Variants in RAP2B observed in about 807,000 individuals in gnomAD.
The protein encoded by RAP2B is ras-related protein Rap-2b.
RAP2B carries 6 observed loss-of-function variants against 14.4 expected under a neutral mutation model. The ratio of observed to expected loss-of-function variants is 0.42; its 90% confidence interval spans 0.23 to 0.82. The LOEUF is 0.82. Among genes scored for constraint, RAP2B ranks in the 40% least tolerant of loss-of-function variants. The pLI, the probability that RAP2B is intolerant of heterozygous loss-of-function variation, is 0.30. For synonymous variants in RAP2B, 118 were observed against 113.2 expected (o/e 1.04, Z -0.27); for missense variants, 137 against 248.2 (o/e 0.55, Z 3.01).
rs763449568 is a variant in RAP2B, at chr3:153,166,666, T to G, written c.*3421T>G. ...ATCTTAGGTCTAACACTCTAGTCTT[T>G]GAGAGTTACGGTTCTTTCGTAGAAC... is the stretch of plus-strand genomic sequence containing the variant. On this transcript the variant is annotated 3_prime_UTR_variant, in exon 1 of 1. Coordinates refer to ENST00000323534, the MANE Select transcript of RAP2B (RefSeq NM_002886.4). 7 of 167,058 alleles carry G rather than the reference T, an allele frequency of 4.2e-5. No individual in the cohort carries two copies. Among genetic ancestry groups the G allele is most frequent in the Non-Finnish European group, 8.8e-5 (6 of 68,108 alleles). The allele number at this position is 167,058 out of a possible 1,614,324, so 10.3% of individuals were successfully genotyped here.
In RAP2B at chr3:153,166,009, A is replaced by G. The variant is rs1032710631; in HGVS notation, c.*2764A>G. 9.6e-5 allele frequency: 16 copies of G among 167,146 alleles called. No individual in the cohort carries two copies. The highest frequency in any genetic ancestry group is 3.8e-4 in the African/African-American group (16 of 41,576). The allele number at this position is 167,146 out of a possible 1,614,324, so 10.4% of individuals were successfully genotyped here. On this transcript the variant is annotated 3_prime_UTR_variant, in exon 1 of 1. Coordinates refer to ENST00000323534, the MANE Select transcript of RAP2B (RefSeq NM_002886.4). ...TGCCAAGTATCTAAGAAATGTATAT[A>G]CTGACAGAAGATATTTGAAAGTGGA...
Position 153,164,136 on chromosome 3 carries a change from T to TGTATGTGTGTG in RAP2B, c.*894_*904dup, listed in dbSNP as rs1195540990. 6.8e-6 allele frequency: 1 copy of TGTATGTGTGTG among 147,034 alleles called. No homozygotes were observed. Among genetic ancestry groups the TGTATGTGTGTG allele is most frequent in the Admixed American group, 6.9e-5 (1 of 14,398 alleles). 9.1% of individuals were successfully genotyped at this position (147,034 alleles called of 1,614,324 possible). A position where few individuals can be genotyped will look rare whatever the true frequency, so the allele number is the denominator to read the frequency against. On this transcript the variant is annotated 3_prime_UTR_variant, in exon 1 of 1. Transcript: ENST00000323534. ...TTTCGTGTGTACTATGGTGTGTGTGTGTATGTGTGTGGTGTGTGTGTGTTT... is the reference window on the plus strand; with the variant it reads ...TTTCGTGTGTACTATGGTGTGTGTGTGTATGTGTGTGGTATGTGTGTGGTGTGTGTGTGTTT...
In RAP2B at chr3:153,163,501, GATGCAT is replaced by G. The variant is rs1713476203; in HGVS notation, c.*259_*264del. ...TGTACGTTTCTCCCTGATTTTGGTT[GATGCAT>G]ATTTCCCCGTTTAAGTAGCCGTTAG... On this transcript the variant is annotated 3_prime_UTR_variant, in exon 1 of 1. Transcript: ENST00000323534. 4.0e-6 allele frequency: 2 copies of G among 500,306 alleles called. No individual in the cohort carries two copies. The highest frequency in any genetic ancestry group is 7.9e-5 in the Admixed American group (2 of 25,366). 31.0% of individuals were successfully genotyped at this position (500,306 alleles called of 1,614,324 possible). A position where few individuals can be genotyped will look rare whatever the true frequency, so the allele number is the denominator to read the frequency against.
rs560941646 is a variant in RAP2B at position 153,170,330 on chromosome 3, G to A, written c.*7085G>A. 6.6e-6 allele frequency: 1 copy of A among 152,208 alleles called. No individual in the cohort carries two copies. The highest frequency in any genetic ancestry group is 1.5e-5 in the Non-Finnish European group (1 of 68,038). 9.4% of individuals were successfully genotyped at this position (152,208 alleles called of 1,614,324 possible). ...GGTAAACAGCTGAAATTGATTCATT[G>A]ATTATTCAACACTTATTGAGCACAT... On this transcript the variant is annotated 3_prime_UTR_variant, in exon 1 of 1. Transcript: ENST00000323534.
Position 153,170,229 on chromosome 3 carries a change from T to C in RAP2B, c.*6984T>C, listed in dbSNP as rs1416379588. 6.6e-6 allele frequency: 1 copy of C among 152,196 alleles called. No individual in the cohort carries two copies. Among genetic ancestry groups the C allele is most frequent in the Non-Finnish European group, 1.5e-5 (1 of 68,036 alleles). The allele number at this position is 152,196 out of a possible 1,614,324, so 9.4% of individuals were successfully genotyped here. ...AAATGGAAAAGAGAAAGATTATTGA[T>C]GCCTTGTGAATACAGGTGTCCCCAA... On this transcript the variant is annotated 3_prime_UTR_variant, in exon 1 of 1. Coordinates refer to ENST00000323534, the MANE Select transcript of RAP2B (RefSeq NM_002886.4).
rs1713576696 is a variant in RAP2B at position 153,166,371 on chromosome 3, A to C, written c.*3126A>C. Reference sequence around the variant, plus strand: ...TGTGGTATTAGTGTGTGAAGAGATAAGGGCATTTGTTTCAATGAAAAAGTT... The same window carrying C: ...TGTGGTATTAGTGTGTGAAGAGATACGGGCATTTGTTTCAATGAAAAAGTT... On this transcript the variant is annotated 3_prime_UTR_variant, in exon 1 of 1. Transcript: ENST00000323534. 6.0e-6 allele frequency: 1 copy of C among 167,032 alleles called. No individual in the cohort carries two copies. The highest frequency in any genetic ancestry group is 1.5e-5 in the Non-Finnish European group (1 of 68,088). 10.3% of individuals were successfully genotyped at this position (167,032 alleles called of 1,614,324 possible).
rs1014132167 is a variant in RAP2B, at chr3:153,167,717, C to T, written c.*4472C>T. On this transcript the variant is annotated 3_prime_UTR_variant, in exon 1 of 1. Transcript: ENST00000323534. ...ATAAACATTGCAGGTAGTTTTTGAT[C>T]ATTTTCACATTATTACAGGAACATT... 1 of 167,024 alleles carries T rather than the reference C, an allele frequency of 6.0e-6. No homozygotes were observed. The highest frequency in any genetic ancestry group is 2.4e-5 in the African/African-American group (1 of 41,446). 10.3% of individuals were successfully genotyped at this position (167,024 alleles called of 1,614,324 possible).
rs1021451107 is a variant in RAP2B, at chr3:153,166,974, C to T, written c.*3729C>T. The T allele has an allele frequency of 2.4e-5, 4 of 166,738 alleles. No individual in the cohort carries two copies. The highest frequency in any genetic ancestry group is 2.9e-5 in the Non-Finnish European group (2 of 68,086). 10.3% of individuals were successfully genotyped at this position (166,738 alleles called of 1,614,324 possible). ...TGAGAAGTAGAAGCATCTTAACTGT[C>T]ATAAGAGCATAGATTTTTTGTTTTT... On this transcript the variant is annotated 3_prime_UTR_variant, in exon 1 of 1. Coordinates refer to ENST00000323534, the MANE Select transcript of RAP2B (RefSeq NM_002886.4).
rs1713583295 is a variant in RAP2B at position 153,166,544 on chromosome 3, C to G, written c.*3299C>G. Reference sequence around the variant, plus strand: ...CCCCTGCTGTTTTTAAACAGCTTTTCCTTTTGGTCTCTGACAGTCAATCCA... The same window carrying G: ...CCCCTGCTGTTTTTAAACAGCTTTTGCTTTTGGTCTCTGACAGTCAATCCA... On this transcript the variant is annotated 3_prime_UTR_variant, in exon 1 of 1. Coordinates refer to ENST00000323534, the MANE Select transcript of RAP2B (RefSeq NM_002886.4). 1.2e-5 allele frequency: 2 copies of G among 166,976 alleles called. No individual in the cohort carries two copies. The highest frequency in any genetic ancestry group is 2.9e-5 in the Non-Finnish European group (2 of 68,090). 10.3% of individuals were successfully genotyped at this position (166,976 alleles called of 1,614,324 possible). A position where few individuals can be genotyped will look rare whatever the true frequency, so the allele number is the denominator to read the frequency against.
chr3:153,163,408 C>A lies in RAP2B; in HGVS notation c.*163C>A. On this transcript the variant is annotated 3_prime_UTR_variant, in exon 1 of 1. Transcript: ENST00000323534. The stretch of plus-strand genomic sequence containing the variant: ...CGCGGCCGGCGTCCCCTGCCTCCAC[C>A]CTGTGCCCGAGGGGGTGTCCGGTCC... 1.0e-6 allele frequency: 1 copy of A among 958,644 alleles called. No homozygotes were observed. The highest frequency in any genetic ancestry group is 1.5e-6 in the Non-Finnish European group (1 of 653,028). The allele number at this position is 958,644 out of a possible 1,614,324, so 59.4% of individuals were successfully genotyped here. A position where few individuals can be genotyped will look rare whatever the true frequency, so the allele number is the denominator to read the frequency against.
At position 153,164,611 on chromosome 3, in the gene RAP2B, AT is replaced by A. The variant is rs1173146943; in HGVS notation, c.*1370del. ...TGTTCCTCCAGAAGCAAAGAGCAAA[AT>A]TTTACTGTTGTGATGTACCAATTCT... On this transcript the variant is annotated 3_prime_UTR_variant, in exon 1 of 1. Transcript: ENST00000323534. 9 of 166,958 alleles carry A rather than the reference AT, an allele frequency of 5.4e-5. No individual in the cohort carries two copies. In the East Asian group the frequency reaches 1.7e-3, roughly 32 times the overall value. 10.3% of individuals were successfully genotyped at this position (166,958 alleles called of 1,614,324 possible). A position where few individuals can be genotyped will look rare whatever the true frequency, so the allele number is the denominator to read the frequency against.
chr3:153,167,531 A>T lies in RAP2B; in HGVS notation c.*4286A>T, dbSNP rs1713613880. On this transcript the variant is annotated 3_prime_UTR_variant, in exon 1 of 1. Transcript: ENST00000323534. ...CTAGACTGAACTCCAAATGAGTACT[A>T]TACTGACAGCCACCTAGATATTGAG... 1 of 167,066 alleles carries T rather than the reference A, an allele frequency of 6.0e-6. No homozygotes were observed. 10.3% of individuals were successfully genotyped at this position (167,066 alleles called of 1,614,324 possible).
In RAP2B at chr3:153,169,273, T is replaced by G. The variant is rs1304735095; in HGVS notation, c.*6028T>G. ...CCTGGGTTCAAGCAATTCTCCTGCCTCAGCCTTTCCAGTAGCTGGGACTAC... is the reference window on the plus strand; with the variant it reads ...CCTGGGTTCAAGCAATTCTCCTGCCGCAGCCTTTCCAGTAGCTGGGACTAC... On this transcript the variant is annotated 3_prime_UTR_variant, in exon 1 of 1. Coordinates refer to ENST00000323534, the MANE Select transcript of RAP2B (RefSeq NM_002886.4). The G allele has an allele frequency of 6.6e-6, 1 of 151,284 alleles. No homozygotes were observed. Among genetic ancestry groups the G allele is most frequent in the Non-Finnish European group, 1.5e-5 (1 of 67,950 alleles). The allele number at this position is 151,284 out of a possible 1,614,324, so 9.4% of individuals were successfully genotyped here.
rs1484647747 is a variant in RAP2B, at chr3:153,162,948, C to T, written c.255C>T (p.Val85=). 6.2e-7 allele frequency: 1 copy of T among 1,614,146 alleles called. No individual in the cohort carries two copies. Among genetic ancestry groups the T allele is most frequent in the South Asian group, 1.1e-5 (1 of 91,084 alleles). ...GQGFILVYSL[V]NQQSFQDIKP... ...GCTTCATCCTGGTCTACAGCCTCGT[C>T]AACCAGCAGAGCTTCCAGGACATCA... The change falls in exon 1 of 1, where the codon GTC becomes GTT. Residue 85 remains valine (V), a synonymous_variant. Transcript: ENST00000323534. This position sits in a 1 kb window ranked among gnomAD's most constrained non-coding sequence, Gnocchi z 4.9.
chr3:153,164,745 G>C lies in RAP2B; in HGVS notation c.*1500G>C, dbSNP rs1713524241. On this transcript the variant is annotated 3_prime_UTR_variant, in exon 1 of 1. Coordinates refer to ENST00000323534, the MANE Select transcript of RAP2B (RefSeq NM_002886.4). ...AAACAAACCCAAAACTATTGTTTGTGTTTCTGTGTTTCATATTCAGTGATT... is the reference window on the plus strand; with the variant it reads ...AAACAAACCCAAAACTATTGTTTGTCTTTCTGTGTTTCATATTCAGTGATT... The C allele has an allele frequency of 6.0e-6, 1 of 166,976 alleles. No homozygotes were observed. The highest frequency in any genetic ancestry group is 2.4e-5 in the African/African-American group (1 of 41,426). 10.3% of individuals were successfully genotyped at this position (166,976 alleles called of 1,614,324 possible).
Position 153,168,050 on chromosome 3 carries a change from G to A in RAP2B, c.*4805G>A, listed in dbSNP as rs1469924389. On this transcript the variant is annotated 3_prime_UTR_variant, in exon 1 of 1. Coordinates refer to ENST00000323534, the MANE Select transcript of RAP2B (RefSeq NM_002886.4). ...CTCAGTTTCTTAGCCAGACTTCCAG[G>A]TGTTAGTTAATTCCTTCTCATTTAG... is the stretch of plus-strand genomic sequence containing the variant. 2.4e-5 allele frequency: 4 copies of A among 166,944 alleles called. No individual in the cohort carries two copies. Among genetic ancestry groups the A allele is most frequent in the Non-Finnish European group, 1.5e-5 (1 of 68,108 alleles). 10.3% of individuals were successfully genotyped at this position (166,944 alleles called of 1,614,324 possible).
chr3:153,170,474 A>G lies in RAP2B; in HGVS notation c.*7229A>G, dbSNP rs1426738415. On this transcript the variant is annotated 3_prime_UTR_variant, in exon 1 of 1. Coordinates refer to ENST00000323534, the MANE Select transcript of RAP2B (RefSeq NM_002886.4). ...TCTGTGAAATAGTGTATATTAAACA[A>G]TAATAGTATATGGAAAAGCACATCT... 1 of 152,258 alleles carries G rather than the reference A, an allele frequency of 6.6e-6. No homozygotes were observed. The highest frequency in any genetic ancestry group is 1.5e-5 in the Non-Finnish European group (1 of 68,044). The allele number at this position is 152,258 out of a possible 1,614,324, so 9.4% of individuals were successfully genotyped here.
chr3:153,163,057 G>A lies in RAP2B; in HGVS notation c.364G>A (p.Gly122Ser). 1.2e-6 allele frequency: 2 copies of A among 1,614,108 alleles called. No homozygotes were observed. Among genetic ancestry groups the A allele is most frequent in the Admixed American group, 1.7e-5 (1 of 60,032 alleles). Residue 122 changes from glycine (G) to serine (S), a missense_variant, in exon 1 of 1, where the codon GGT becomes AGT. Around this residue, in one of 2 missense-constraint regions of RAP2B, gnomAD observed 106 missense variants for 143.5 expected, o/e 0.74. Transcript: ENST00000323534. ...GGTGGGCAACAAGGTGGACCTGGAG[G>A]GTGAGCGCGAGGTCTCGTACGGGGA... ...ILVGNKVDLE[G>S]EREVSYGEGK...
Position 153,162,670 on chromosome 3 carries a change from C to A in RAP2B, c.-24C>A. ...GCAGCCCCGACGGGGCCGCGGCAGGCGCGGCGAGAGCGCTGACGGAGCCAT... is the reference window on the plus strand; with the variant it reads ...GCAGCCCCGACGGGGCCGCGGCAGGAGCGGCGAGAGCGCTGACGGAGCCAT... On this transcript the variant is annotated 5_prime_UTR_variant, in exon 1 of 1. Coordinates refer to ENST00000323534, the MANE Select transcript of RAP2B (RefSeq NM_002886.4). The surrounding 1 kb of genome is among the most constrained non-coding windows in gnomAD (Gnocchi z 4.9). The A allele has an allele frequency of 6.4e-7, 1 of 1,571,324 alleles. No individual in the cohort carries two copies. The highest frequency in any genetic ancestry group is 1.3e-5 in the African/African-American group (1 of 74,082).
Sources: allele counts gnomAD v4.1 joint callset, GRCh38; gene constraint gnomAD v4.1.1; regional missense constraint gnomAD v4.1.1; non-coding constraint Gnocchi (gnomAD v3.1); transcripts MANE v1.5; gene names NCBI Gene and HGNC (gene_info 2026-07-23, HGNC 2026-07-21).